Variants in HEATR4 observed in about 807,000 individuals in gnomAD.
The protein encoded by HEATR4 is HEAT repeat-containing protein 4.
A neutral mutation model predicts 108.8 loss-of-function variants in HEATR4; 95 were observed. That is an observed-to-expected ratio of 0.87 (90% CI 0.74 to 1.04). The LOEUF is 1.04. HEATR4 is among the 50% of genes least tolerant of loss of function. The probability of loss-of-function intolerance (pLI) is 0.00; values close to 1 mark genes in which losing one functional copy is unlikely to be tolerated. For missense variants in HEATR4, 1,152 were observed against 1,253.8 expected (o/e 0.92, Z 1.23); for synonymous variants, 443 against 459.4 (o/e 0.96, Z 0.46).
Position 73,478,674 on chromosome 14 carries a change from A to G in HEATR4, c.3013T>C (p.Phe1005Leu), listed in dbSNP as rs771571648. 13 of 1,613,804 alleles carry G rather than the reference A, an allele frequency of 8.1e-6. No individual in the cohort carries two copies. The highest frequency in any genetic ancestry group is 1.7e-5 in the Admixed American group (1 of 59,942). ...SDYPALYLGK[F>L]SERTFFSPIM... is the part of the protein sequence containing the mutation. Reference sequence around the variant, plus strand: ...GGAGAAAAAAATGTTCTCTCTGAGAATTTACCCAGATAAAGAGCTGGGTAG... The same window carrying G: ...GGAGAAAAAAATGTTCTCTCTGAGAGTTTACCCAGATAAAGAGCTGGGTAG... Residue 1005 changes from phenylalanine (F) to leucine (L), a missense_variant, in exon 18 of 18, where the codon TTC becomes CTC. Coordinates refer to ENST00000553558, the MANE Select transcript of HEATR4 (RefSeq NM_001220484.1).
chr14:73,580,666 T>C, the HEATR4 span: 1 of 152,168 alleles, frequency 6.6e-6, no homozygotes, highest in Non-Finnish European at 1.5e-5. Context: ...AGTGCCATCA[T>C]GGTGGCTAGA....
Position 73,537,819 on chromosome 14 carries a change from G to C in HEATR4, c.-151-7575C>G. On this transcript the variant is annotated intron_variant, in intron 1 of 17. Coordinates refer to ENST00000553558, the MANE Select transcript of HEATR4 (RefSeq NM_001220484.1). ...CACGAGCGCTACTTCCTCCCGCCCGGGGTGCGGCGCGAGCCGGTGCGCGCG... is the reference window on the plus strand; with the variant it reads ...CACGAGCGCTACTTCCTCCCGCCCGCGGTGCGGCGCGAGCCGGTGCGCGCG... The C allele has an allele frequency of 1.6e-6, 2 of 1,212,648 alleles. 1 individual carries two copies. 75.1% of individuals were successfully genotyped at this position (1,212,648 alleles called of 1,614,324 possible).
intron 7 of HEATR4, among the ~76,000 whole-genome samples, chr14:73,510,939 C>A (rs1595115001): frequency 6.6e-6 from 1 of 152,164 alleles, no homozygotes; most frequent in African/African-American, 2.4e-5. Flanking sequence ...CTATGGTGTC[C>A]CTATCAAGTA....
Position 73,492,738 on chromosome 14 carries a change from C to G in HEATR4, c.2844+328G>C. On this transcript the variant is annotated intron_variant, in intron 17 of 17. Transcript: ENST00000553558. This position sits in a 1 kb window ranked among gnomAD's most constrained non-coding sequence, Gnocchi z 4.9. ...TTTCTCTATTACACAGTGGAAAACT[C>G]CCGTGTGTATCATCTGGAAGAACCC... 2.5e-6 allele frequency: 4 copies of G among 1,613,884 alleles called. No individual in the cohort carries two copies. The highest frequency in any genetic ancestry group is 2.5e-6 in the Non-Finnish European group (3 of 1,179,882).
At chr14:73,595,658 A>G in the HEATR4 span, 1 of 1,515,920 alleles carries the variant, frequency 6.6e-7, no homozygotes, top group Non-Finnish European at 8.8e-7. Flanking sequence ...ATTGTAATGC[A>G]TTTGTCTGTT....
chr14:73,560,361 T>C (rs1161807939), upstream of HEATR4, among the ~76,000 whole-genome samples: 4 of 152,050 alleles, frequency 2.6e-5, no homozygotes, highest in Admixed American at 6.6e-5. Flanking sequence ...GTACGTTTTC[T>C]GTTATGAAAA....
rs1353141433 is a variant in HEATR4, at chr14:73,531,628, C to T, written c.-151-1384G>A. 3.7e-5 allele frequency among the ~76,000 whole-genome samples: 4 copies of T among 108,984 alleles called. 1 individual carries two copies. The highest frequency in any genetic ancestry group is 1.2e-4 in the African/African-American group (4 of 33,828). 71.5% of individuals were successfully genotyped at this position (108,984 alleles called of 152,430 possible). A position where few individuals can be genotyped will look rare whatever the true frequency, so the allele number is the denominator to read the frequency against. On this transcript the variant is annotated intron_variant, in intron 1 of 17. Coordinates refer to ENST00000553558, the MANE Select transcript of HEATR4 (RefSeq NM_001220484.1). ...TTCACCATATTGGCCAGGCTGTTCT[C>T]GAACTCCTGACCTCAAGTGATGCAC...
chr14:73,592,325 G>C, the HEATR4 span: 5 of 1,607,850 alleles, frequency 3.1e-6, no homozygotes, highest in Non-Finnish European at 4.2e-6. Context: ...TGCTGTGCCA[G>C]GCGCAGCACG....
the HEATR4 span, chr14:73,612,814 G>C: frequency 4.2e-6 from 6 of 1,422,890 alleles, no homozygotes; most frequent in African/African-American, 1.5e-5. Context: ...TGGGGCTGCT[G>C]TGGGCGTTGG....
At chr14:73,593,857 C>T in the HEATR4 span, 1 of 1,613,958 alleles carries the variant, frequency 6.2e-7, no homozygotes, top group Middle Eastern at 1.6e-4. Context: ...CAACATATCC[C>T]TGGAGTACTT....
At chr14:73,615,394 A>AC in the HEATR4 span, among the ~76,000 whole-genome samples, 174 of 116,724 alleles carry the variant, frequency 1.5e-3, 7 homozygotes, top group African/African-American at 4.6e-3. Context: ...CTGATAAAAA[A>AC]AAAAAAAAAA....
At position 73,508,090 on chromosome 14, in the gene HEATR4, A is replaced by C. The variant is rs1047947934; in HGVS notation, c.1881+44T>G. On this transcript the variant is annotated intron_variant, in intron 9 of 17. Transcript: ENST00000553558. ...TTACATTCACTGACCTCAAAGACCTAATTGCTCCCCAAAACTGTGTCTGAC... is the reference window on the plus strand; with the variant it reads ...TTACATTCACTGACCTCAAAGACCTCATTGCTCCCCAAAACTGTGTCTGAC... 8 of 1,581,146 alleles carry C rather than the reference A, an allele frequency of 5.1e-6. No individual in the cohort carries two copies. In the African/African-American group the frequency reaches 1.1e-4, roughly 21 times the overall value.
At chr14:73,597,591 CTTTTTT>C in the HEATR4 span, among the ~76,000 whole-genome samples, 1 of 98,206 alleles carries the variant, frequency 1.0e-5, no homozygotes. Flanking sequence ...TTTTTCTTTT[CTTTTTT>C]TTTTTTTTTT....
chr14:73,508,719 C>G (rs1388827494), intron 8 of HEATR4, among the ~76,000 whole-genome samples: 1 of 136,468 alleles, frequency 7.3e-6, no homozygotes, highest in African/African-American at 2.8e-5. Context: ...CCATTGCACT[C>G]CAGCCTGGGC....
the HEATR4 span, chr14:73,617,221 A>T: frequency 6.2e-7 from 1 of 1,614,090 alleles, no homozygotes; most frequent in Non-Finnish European, 8.5e-7. Flanking sequence ...CTGAGTGCAG[A>T]AGAGAGGGGA....
chr14:73,524,303 A>AT (rs1294829370), intron 2 of HEATR4, among the ~76,000 whole-genome samples: 29 of 109,948 alleles, frequency 2.6e-4, no homozygotes, highest in Non-Finnish European at 3.7e-4. Flanking sequence ...CAAAAAAAAA[A>AT]AAAAAAAATA....
chr14:73,500,433 G>C, intron 12 of HEATR4, 117 bp downstream of exon 12: 1 of 1,148,460 alleles, frequency 8.7e-7, no homozygotes, highest in Non-Finnish European at 1.2e-6. Flanking sequence ...CCCCTTCCCA[G>C]TTCCAATCTC....
At chr14:73,570,020 C>T in the HEATR4 span, 19 of 1,349,124 alleles carry the variant, frequency 1.4e-5, no homozygotes, top group Non-Finnish European at 1.9e-5. Flanking sequence ...TTTCGAATTC[C>T]TGGTCTCCAG....
At chr14:73,498,008 C>T (rs1892793733) in intron 14 of HEATR4, 147 bp downstream of exon 14, 5 of 666,654 alleles carry the variant, frequency 7.5e-6, no homozygotes, top group African/African-American at 1.8e-5. Context: ...TTTTCAGTTA[C>T]CTACTTGGGT....
Sources: allele counts gnomAD v4.1 joint callset (sites outside exome capture counted in the v4.1 genomes callset), GRCh38; gene constraint gnomAD v4.1.1; non-coding constraint Gnocchi (gnomAD v3.1); transcripts MANE v1.5; gene names NCBI Gene and HGNC (gene_info 2026-07-23, HGNC 2026-07-21).